Variants in SLC25A53 observed in about 807,000 individuals in gnomAD.
SLC25A53 encodes solute carrier family 25 member 53.
In SLC25A53, 5 loss-of-function variants were observed where a neutral mutation model predicts 15.0. That is an observed-to-expected ratio of 0.33 (90% CI 0.17 to 0.70). SLC25A53 has a LOEUF of 0.70. Among genes scored for constraint, SLC25A53 ranks in the 30% least tolerant of loss-of-function variants. The pLI is 0.67. For synonymous variants in SLC25A53, 95 were observed against 100.0 expected (o/e 0.95, Z 0.30); for missense variants, 216 against 241.6 (o/e 0.89, Z 0.70).
chrX:104,127,503 G>C (rs1428929979), intron 1 of SLC25A53, among the ~76,000 whole-genome samples: 1 of 111,639 alleles, frequency 9.0e-6, no homozygotes, highest in Non-Finnish European at 1.9e-5. Flanking sequence ...GTGGAAATTA[G>C]GTCTATATTC....
At chrX:104,143,212 C>T (rs782382025) in intron 1 of SLC25A53, among the ~76,000 whole-genome samples, 1 of 111,547 alleles carries the variant, frequency 9.0e-6, no homozygotes, top group East Asian at 2.8e-4. Context: ...AGGATCACAA[C>T]TCCTCACCAG....
At chrX:104,118,534 T>C (rs1328156451) in intron 1 of SLC25A53, among the ~76,000 whole-genome samples, 9 of 113,303 alleles carry the variant, frequency 7.9e-5, no homozygotes, top group African/African-American at 1.6e-4. Context: ...AAATGCATTA[T>C]TAGCTTTTCA....
intron 1 of SLC25A53, among the ~76,000 whole-genome samples, chrX:104,141,344 A>G (rs1448294841): frequency 1.8e-5 from 2 of 111,525 alleles, no homozygotes; most frequent in East Asian, 2.8e-4. Context: ...CTGGGCTCCT[A>G]CTTTACACCA....
intron 1 of SLC25A53, chrX:104,113,109 A>G (rs1217549756): frequency 2.7e-5 from 3 of 109,323 alleles, no homozygotes; most frequent in African/African-American, 1.0e-4. Context: ...GCTGTCTTGA[A>G]CCCCTTTTGC....
chrX:104,113,804 T>C (rs1365097450), intron 1 of SLC25A53: 2 of 257,449 alleles, frequency 7.8e-6, no homozygotes, highest in Non-Finnish European at 1.4e-5. Flanking sequence ...TCTGAAAAAC[T>C]ACCTACTAGC....
rs59026732 is a variant in SLC25A53, at chrX:104,123,545, A to ATTT, written c.-31-18260_-31-18258dup. On this transcript the variant is annotated intron_variant, in intron 1 of 1. Transcript: ENST00000594199. ...TTCTGTGTAGTTTGCTGATTTGTTT[A>ATTT]TTTTTTTTTTTTACTTTTTTTCCCT... 1.5e-4 allele frequency among the ~76,000 whole-genome samples: 16 copies of ATTT among 104,251 alleles called. No homozygotes were observed. The East Asian group carries it at 4.6e-3, about 30-fold the overall frequency. 90.5% of individuals were successfully genotyped at this position (104,251 alleles called of 115,157 possible).
rs1367273445 is a variant in SLC25A53, at chrX:104,105,200, C to A, written c.58G>T (p.Ala20Ser). ...GAATGCCAGCTTTTCTTTCCTGGAG[C>A]CTCTGCTCGCGTCCTGTGCTGAAGC... ...KELQHRTRAE[A>S]PGKKSWHSQA... Residue 20 changes from alanine (A) to serine (S), a missense_variant, in exon 2 of 2, where the codon GCT becomes TCT. Coordinates refer to ENST00000594199, the MANE Select transcript of SLC25A53 (RefSeq NM_001012755.5). The A allele has an allele frequency of 5.8e-6, 7 of 1,210,476 alleles. No homozygotes were observed. Among genetic ancestry groups the A allele is most frequent in the African/African-American group, 5.2e-5 (3 of 57,359 alleles).
chrX:104,100,585 G>A lies in SLC25A53; in HGVS notation c.*3749C>T, dbSNP rs781818975. 2.7e-5 allele frequency: 3 copies of A among 111,614 alleles called. No individual in the cohort carries two copies. In the South Asian group the frequency reaches 1.1e-3, roughly 42 times the overall value. The allele number at this position is 111,614 out of a possible 1,213,427, so 9.2% of individuals were successfully genotyped here. On this transcript the variant is annotated 3_prime_UTR_variant, in exon 2 of 2. Transcript: ENST00000594199. The stretch of plus-strand genomic sequence containing the variant: ...TGTATAATTTTACAATATTGCCTAG[G>A]ATTTCATATGAACCGATTTGAAAAA...
At position 104,147,829 on chromosome X, in the gene SLC25A53, A is replaced by G. The variant is rs2075472852; in HGVS notation, c.-32+9049T>C. Among the ~76,000 whole-genome samples the G allele has an allele frequency of 2.7e-5, 3 of 109,761 alleles. No individual in the cohort carries two copies. In the Admixed American group the frequency reaches 2.9e-4, roughly 11 times the overall value. ...GGTGCTGGAGAGGATGTGGAGAAAT[A>G]GGAACACTTTTACACTGTTGGTGGG... On this transcript the variant is annotated intron_variant, in intron 1 of 1. Coordinates refer to ENST00000594199, the MANE Select transcript of SLC25A53 (RefSeq NM_001012755.5).
In SLC25A53 at chrX:104,100,298, G is replaced by A. The variant is rs1235778303; in HGVS notation, c.*4036C>T. On this transcript the variant is annotated 3_prime_UTR_variant, in exon 2 of 2. Coordinates refer to ENST00000594199, the MANE Select transcript of SLC25A53 (RefSeq NM_001012755.5). ...TCACGCATATATTGTGTTGTATGATGGCTTTTTATTCTTTTTTTTGACTTT... is the reference window on the plus strand; with the variant it reads ...TCACGCATATATTGTGTTGTATGATAGCTTTTTATTCTTTTTTTTGACTTT... The A allele has an allele frequency of 3.6e-5, 4 of 111,041 alleles. No individual in the cohort carries two copies. Among genetic ancestry groups the A allele is most frequent in the African/African-American group, 1.3e-4 (4 of 30,558 alleles). The allele number at this position is 111,041 out of a possible 1,213,427, so 9.2% of individuals were successfully genotyped here.
At chrX:104,121,688 G>A (rs782312858) in intron 1 of SLC25A53, among the ~76,000 whole-genome samples, 43 of 107,120 alleles carry the variant, frequency 4.0e-4, no homozygotes, top group Admixed American at 1.4e-3. Flanking sequence ...CAGGAGGAGC[G>A]GGTTGTTTTT....
chrX:104,148,319 G>T, intron 1 of SLC25A53, among the ~76,000 whole-genome samples: 1 of 109,025 alleles, frequency 9.2e-6, no homozygotes. Flanking sequence ...GAGGAGGGGG[G>T]AGGGATAGCA....
intron 1 of SLC25A53, among the ~76,000 whole-genome samples, chrX:104,153,043 G>A (rs1194306871): frequency 9.0e-6 from 1 of 111,069 alleles, no homozygotes; most frequent in Non-Finnish European, 1.9e-5. Flanking sequence ...CACCCTCCAG[G>A]AGTCTGTTTA....
chrX:104,099,361 A>T lies in SLC25A53; in HGVS notation c.*4973T>A, dbSNP rs2075272183. 1 of 112,554 alleles carries T rather than the reference A, an allele frequency of 8.9e-6. No individual in the cohort carries two copies. The highest frequency in any genetic ancestry group is 1.9e-5 in the Non-Finnish European group (1 of 53,314). 9.3% of individuals were successfully genotyped at this position (112,554 alleles called of 1,213,427 possible). ...TCATTACACATTGTACACATGTATC[A>T]AAATATCACATATACCCCATAAACA... On this transcript the variant is annotated 3_prime_UTR_variant, in exon 2 of 2. Transcript: ENST00000594199.
intron 1 of SLC25A53, among the ~76,000 whole-genome samples, chrX:104,142,104 G>A (rs957742812): frequency 5.4e-5 from 6 of 111,170 alleles, no homozygotes; most frequent in African/African-American, 2.0e-4. Context: ...AATTAGCTGG[G>A]CATGGTGGCA....
chrX:104,114,828 G>A lies in SLC25A53; in HGVS notation c.-31-9540C>T, dbSNP rs185629225. On this transcript the variant is annotated intron_variant, in intron 1 of 1. Transcript: ENST00000594199. The stretch of plus-strand genomic sequence containing the variant: ...GGCCGAAAAGGTCTGAGCCAATAAT[G>A]GAGAGGGCAGCCAGCCCTGTGGCAT... 391 of 1,208,779 alleles carry A rather than the reference G, an allele frequency of 3.2e-4. 1 individual carries two copies. The African/African-American group carries it at 6.3e-3, about 20-fold the overall frequency.
intron 1 of SLC25A53, among the ~76,000 whole-genome samples, chrX:104,109,327 T>C (rs2075327513): frequency 9.0e-6 from 1 of 111,710 alleles, no homozygotes; most frequent in African/African-American, 3.3e-5. Context: ...TGGGTTTGAA[T>C]TTCACTCTGT....
chrX:104,104,187 G>C lies in SLC25A53; in HGVS notation c.*147C>G. 4 of 502,726 alleles carry C rather than the reference G, an allele frequency of 8.0e-6. No homozygotes were observed. The highest frequency in any genetic ancestry group is 1.3e-5 in the Non-Finnish European group (4 of 300,883). The allele number at this position is 502,726 out of a possible 1,213,427, so 41.4% of individuals were successfully genotyped here. A position where few individuals can be genotyped will look rare whatever the true frequency, so the allele number is the denominator to read the frequency against. ...TTTGGGCTTTGTCCTTGCTCAACAG[G>C]TTGGTAGTTGGGAACTTCTCCCATG... On this transcript the variant is annotated 3_prime_UTR_variant, in exon 2 of 2. Transcript: ENST00000594199.
At chrX:104,114,492 T>G (rs782179406) in intron 1 of SLC25A53, 18 of 1,209,877 alleles carry the variant, frequency 1.5e-5, no homozygotes, top group Non-Finnish European at 1.8e-5. Context: ...CTGAAAGCAG[T>G]GTGACTGCCC....
Sources: gnomAD v4.1 joint callset for allele counts (sites outside exome capture counted in the v4.1 genomes callset) on GRCh38, gnomAD v4.1.1 for gene constraint, MANE v1.5 for transcripts, NCBI Gene and HGNC (gene_info 2026-07-23, HGNC 2026-07-21) for gene names.